The following SCARA3 variants were observed in gnomAD, a reference collection of about 807,000 sequenced individuals.
SCARA3 encodes scavenger receptor class A member 3, also known as cellular stress response gene protein.
A neutral mutation model predicts 47.0 loss-of-function variants in SCARA3; 39 were observed. That is an observed-to-expected ratio of 0.83 (90% CI 0.64 to 1.08). SCARA3 has a LOEUF of 1.08. SCARA3 is among the 50% of genes least tolerant of loss of function. SCARA3 has a pLI of 0.00. For missense variants in SCARA3, 724 were observed against 792.3 expected (o/e 0.91, Z 1.04); for synonymous variants, 356 against 334.1 (o/e 1.07, Z -0.71).
At chr8:27,634,343 T>C (rs1401313177) in intron 1 of SCARA3, 136 bp downstream of exon 1, 4 of 709,926 alleles carry the variant, frequency 5.6e-6, no homozygotes, top group Non-Finnish European at 7.9e-6. Context: ...CCTGCCTTTT[T>C]GGGCATCCTG....
At chr8:27,655,400 A>C (rs1801721659) in intron 3 of SCARA3, among the ~76,000 whole-genome samples, 1 of 152,110 alleles carries the variant, frequency 6.6e-6, no homozygotes, top group African/African-American at 2.4e-5. Context: ...GCCCTCCCTC[A>C]CTACCAGGCC....
the SCARA3 span, among the ~76,000 whole-genome samples, chr8:27,711,764 A>G: frequency 6.6e-6 from 1 of 152,078 alleles, no homozygotes; most frequent in Non-Finnish European, 1.5e-5. Flanking sequence ...CCTTTTTTAG[A>G]GCAGTTTTAA....
intron 3 of SCARA3, among the ~76,000 whole-genome samples, chr8:27,653,906 A>G (rs907025006): frequency 3.9e-5 from 6 of 152,108 alleles, no homozygotes; most frequent in Admixed American, 1.3e-4. Context: ...CAGGTTACAT[A>G]CAATCTTTGT....
At chr8:27,733,744 G>A in the SCARA3 span, 3 of 152,000 alleles carry the variant, frequency 2.0e-5, no homozygotes, top group East Asian at 1.9e-4. Flanking sequence ...AAAAGCACGC[G>A]TCAATATCAC....
intron 1 of SCARA3, among the ~76,000 whole-genome samples, chr8:27,648,395 G>T (rs191801174): frequency 6.6e-5 from 10 of 152,312 alleles, no homozygotes; most frequent in Non-Finnish European, 1.3e-4. Context: ...TCACGGTCAG[G>T]AGATGGAGAC....
intron 5 of SCARA3, among the ~76,000 whole-genome samples, chr8:27,665,730 A>G (rs1802002468): frequency 6.6e-6 from 1 of 152,224 alleles, no homozygotes. Flanking sequence ...TCCTGCCTGT[A>G]TCCCATAGGG....
At chr8:27,674,532 C>G (rs1243224038), downstream of SCARA3, among the ~76,000 whole-genome samples, 1 of 152,162 alleles carries the variant, frequency 6.6e-6, no homozygotes, top group Non-Finnish European at 1.5e-5. Context: ...TGCTCCTTCT[C>G]CTGCCCTGCT....
chr8:27,724,449 G>T, the SCARA3 span, among the ~76,000 whole-genome samples: 3 of 152,116 alleles, frequency 2.0e-5, no homozygotes, highest in Non-Finnish European at 4.4e-5. Flanking sequence ...AGATCACAAG[G>T]TCGGGAGTTC....
the SCARA3 span, among the ~76,000 whole-genome samples, chr8:27,690,091 T>C: frequency 6.6e-6 from 1 of 152,230 alleles, no homozygotes; most frequent in Non-Finnish European, 1.5e-5. Flanking sequence ...GAAGTCACTG[T>C]GTTACTTTGG....
the SCARA3 span, among the ~76,000 whole-genome samples, chr8:27,693,968 G>A: frequency 1.3e-5 from 2 of 152,198 alleles, no homozygotes; most frequent in Admixed American, 6.5e-5. Flanking sequence ...CATAAAATGT[G>A]TAAAAGCCAG....
At chr8:27,732,236 GT>G in the SCARA3 span, among the ~76,000 whole-genome samples, 5 of 151,084 alleles carry the variant, frequency 3.3e-5, no homozygotes, top group African/African-American at 7.3e-5. Context: ...AATTCCTTGT[GT>G]TTTTTTTTCA....
At chr8:27,683,504 T>C in the SCARA3 span, among the ~76,000 whole-genome samples, 1 of 152,178 alleles carries the variant, frequency 6.6e-6, no homozygotes, top group Non-Finnish European at 1.5e-5. Context: ...CTCAGTAGAA[T>C]AAACTTAAAC....
chr8:27,637,874 G>T (rs1413520094), intron 1 of SCARA3, among the ~76,000 whole-genome samples: 2 of 151,904 alleles, frequency 1.3e-5, no homozygotes, highest in Admixed American at 1.3e-4. Flanking sequence ...GAGCGGCCAG[G>T]CTGGGGGCCC....
At chr8:27,651,735 C>T in intron 3 of SCARA3, 108 bp downstream of exon 3, 1 of 1,428,146 alleles carries the variant, frequency 7.0e-7, no homozygotes, top group Non-Finnish European at 9.5e-7. Context: ...TATCCCAGGG[C>T]CCAGAGCCAG....
the SCARA3 span, among the ~76,000 whole-genome samples, chr8:27,696,008 A>AT: frequency 0.014 from 2,064 of 151,750 alleles, 40 homozygotes; most frequent in African/African-American, 0.047. Flanking sequence ...AGGAATAAAG[A>AT]TTTTTTTTAT....
chr8:27,652,898 T>C (rs1801662696), intron 3 of SCARA3, among the ~76,000 whole-genome samples: 1 of 152,144 alleles, frequency 6.6e-6, no homozygotes, highest in Admixed American at 6.5e-5. Context: ...CAGGCCTTAG[T>C]CATTTGTAAA....
chr8:27,724,488 T>G, the SCARA3 span, among the ~76,000 whole-genome samples: 1 of 152,052 alleles, frequency 6.6e-6, no homozygotes, highest in Non-Finnish European at 1.5e-5. Context: ...ATGAATTCTG[T>G]CGCTACTAAA....
Position 27,658,822 on chromosome 8 carries a change from G to C in SCARA3, c.652G>C (p.Ala218Pro), listed in dbSNP as rs770008746. The C allele has an allele frequency of 1.7e-5, 28 of 1,614,164 alleles. No homozygotes were observed. In the South Asian group the frequency reaches 3.0e-4, roughly 17 times the overall value. The change falls in exon 5 of 6, where the codon GCT (alanine) becomes CCT (proline). Residue 218 changes from alanine to proline, a missense_variant. Coordinates refer to ENST00000301904, the MANE Select transcript of SCARA3 (RefSeq NM_016240.3). ...DLTQECYDVK[A>P]AVHQINFTVG... The stretch of plus-strand genomic sequence containing the variant: ...CACCCAGGAGTGCTACGATGTCAAG[G>C]CTGCAGTGCACCAGATCAACTTCAC...
the SCARA3 span, among the ~76,000 whole-genome samples, chr8:27,721,857 G>A: frequency 4.6e-5 from 7 of 152,110 alleles, no homozygotes; most frequent in African/African-American, 7.2e-5. Flanking sequence ...GGATCACTTG[G>A]CCAAACTCTC....
Sources: gnomAD v4.1 joint callset for allele counts (sites outside exome capture counted in the v4.1 genomes callset) on GRCh38, gnomAD v4.1.1 for gene constraint, MANE v1.5 for transcripts, NCBI Gene and HGNC (gene_info 2026-07-23, HGNC 2026-07-21) for gene names.